SYNE2: variants seen among roughly 807,000 people sequenced by gnomAD.
The protein encoded by SYNE2 is spectrin repeat containing nuclear envelope protein 2, also known as nesprin-2.
Under a neutral mutation model 856.3 loss-of-function variants are expected in SYNE2, and 431 were observed. That is an observed-to-expected ratio of 0.50 (90% CI 0.47 to 0.55). The LOEUF is 0.55. SYNE2 is among the 20% of genes least tolerant of loss of function. SYNE2 has a pLI of 0.00. For missense variants in SYNE2, 8,129 were observed against 8,023.2 expected (o/e 1.01, Z -0.50); for synonymous variants, 2,923 against 2,872.3 (o/e 1.02, Z -0.56).
intron 96 of SYNE2, among the ~76,000 whole-genome samples, chr14:64,183,200 G>A (rs1180742454): frequency 5.3e-4 from 80 of 150,730 alleles, no homozygotes; most frequent in African/African-American, 1.9e-3. Context: ...CTTCCCGGAC[G>A]TGGCAGCTGC....
At chr14:64,044,305 G>C (rs1230522801) in intron 45 of SYNE2, among the ~76,000 whole-genome samples, 2 of 152,228 alleles carry the variant, frequency 1.3e-5, no homozygotes, top group East Asian at 3.9e-4. Context: ...TAACCCCTTT[G>C]TTTTGGCCAA....
intron 100 of SYNE2, among the ~76,000 whole-genome samples, chr14:64,204,107 G>A (rs80271480): frequency 0.011 from 1,731 of 152,316 alleles, 41 homozygotes; most frequent in African/African-American, 0.039. Context: ...ATTTAGTAAT[G>A]CTACAAATTA....
intron 54 of SYNE2, among the ~76,000 whole-genome samples, chr14:64,077,353 G>T (rs916333452): frequency 4.0e-5 from 6 of 148,508 alleles, no homozygotes; most frequent in African/African-American, 1.5e-4. Flanking sequence ...GACACAGCCA[G>T]CCATGAAAAG....
At chr14:64,196,495 C>T (rs1407551901) in intron 99 of SYNE2, among the ~76,000 whole-genome samples, 5 of 152,070 alleles carry the variant, frequency 3.3e-5, no homozygotes, top group African/African-American at 1.2e-4. Flanking sequence ...ACTAAATGAC[C>T]CTCCTAAACC....
intron 63 of SYNE2, chr14:64,099,298 G>A (rs562247099): frequency 2.1e-4 from 36 of 170,042 alleles, no homozygotes; most frequent in East Asian, 3.4e-4. Context: ...CTTTTCTGAC[G>A]TCAGTTTCCA....
At chr14:64,136,289 CAAAAAAAAAAA>C (rs34694248) in intron 78 of SYNE2, among the ~76,000 whole-genome samples, 2 of 62,058 alleles carry the variant, frequency 3.2e-5, no homozygotes, top group Non-Finnish European at 7.0e-5. Flanking sequence ...GACTTCATCT[CAAAAAAAAAAA>C]AAAAAAAAAA....
At chr14:63,934,509 ACCCCT>A (rs2095805315) in intron 2 of SYNE2, among the ~76,000 whole-genome samples, 1 of 147,568 alleles carries the variant, frequency 6.8e-6, no homozygotes, top group Non-Finnish European at 1.5e-5. Context: ...TTAGTATAAG[ACCCCT>A]TTTATCTAGT....
chr14:63,899,570 T>C (rs895851371), intron 1 of SYNE2, among the ~76,000 whole-genome samples: 4 of 151,914 alleles, frequency 2.6e-5, no homozygotes, highest in Admixed American at 2.6e-4. Context: ...GGCGCAATCA[T>C]GGCTTATTGC....
At chr14:64,209,852 C>T (rs2098630616) in intron 102 of SYNE2, 90 bp from the exon 103 acceptor site, 1 of 1,562,096 alleles carries the variant, frequency 6.4e-7, no homozygotes, top group Non-Finnish European at 8.8e-7. Context: ...GGGATGAACC[C>T]CTGGCAGCAG....
chr14:64,225,592 C>T lies in SYNE2; in HGVS notation c.*66C>T, dbSNP rs765285546. 5 of 1,538,062 alleles carry T rather than the reference C, an allele frequency of 3.3e-6. No homozygotes were observed. The East Asian group carries it at 9.2e-5, about 28-fold the overall frequency. On this transcript the variant is annotated 3_prime_UTR_variant, in exon 116 of 116. Coordinates refer to ENST00000555002, the MANE Select transcript of SYNE2 (RefSeq NM_182914.3). The stretch of plus-strand genomic sequence containing the variant: ...GCCAAGGGTGCCCAGCACGTGGCCC[C>T]AGACCAATCTGAGTGACTTAGTGTT...
intron 6 of SYNE2, among the ~76,000 whole-genome samples, chr14:63,947,508 A>C (rs1157424791): frequency 2.0e-5 from 3 of 152,210 alleles, no homozygotes; most frequent in Admixed American, 2.0e-4. Flanking sequence ...TACTTTTTTC[A>C]TATGGCTATC....
chr14:63,948,402 G>A (rs929581480), intron 6 of SYNE2, among the ~76,000 whole-genome samples: 6 of 151,946 alleles, frequency 3.9e-5, no homozygotes, highest in Non-Finnish European at 7.4e-5. Flanking sequence ...GGTGGCTCAC[G>A]CCTGTAATCC....
chr14:64,190,319 T>A, intron 99 of SYNE2, 82 bp downstream of exon 99: 1 of 1,565,818 alleles, frequency 6.4e-7, no homozygotes, highest in Non-Finnish European at 8.8e-7. Flanking sequence ...AGTCTTCCTC[T>A]AAGATGATCC....
chr14:63,973,028 G>A (rs1374832730), intron 11 of SYNE2, among the ~76,000 whole-genome samples: 1 of 152,106 alleles, frequency 6.6e-6, no homozygotes, highest in Non-Finnish European at 1.5e-5. Flanking sequence ...GCTGAGGCAG[G>A]CAGATCAGTT....
chr14:63,891,056 AT>A (rs1396757004), intron 1 of SYNE2, among the ~76,000 whole-genome samples: 2 of 152,136 alleles, frequency 1.3e-5, no homozygotes, highest in African/African-American at 4.8e-5. Context: ...TTTGGTTTAT[AT>A]TTTTATAATA....
rs1035913306 is a variant in SYNE2, at chr14:64,076,119, C to A, written c.11022+19C>A. The A allele has an allele frequency of 6.2e-6, 10 of 1,610,792 alleles. No individual in the cohort carries two copies. Among genetic ancestry groups the A allele is most frequent in the Non-Finnish European group, 8.5e-6 (10 of 1,178,032 alleles). On this transcript the variant is annotated intron_variant, in intron 54 of 115. Transcript: ENST00000555002. ...TGAGAAGGTAATAATAATGTCTGTACTACTGTTATTATTTACGGAGCTGAA... is the reference window on the plus strand; with the variant it reads ...TGAGAAGGTAATAATAATGTCTGTAATACTGTTATTATTTACGGAGCTGAA...
At chr14:64,148,335 T>C (rs1258249508) in intron 84 of SYNE2, among the ~76,000 whole-genome samples, 1 of 152,108 alleles carries the variant, frequency 6.6e-6, no homozygotes, top group East Asian at 1.9e-4. Flanking sequence ...AATAATCCAT[T>C]AATTTTACCA....
chr14:64,142,386 G>A (rs1241433757), intron 82 of SYNE2, among the ~76,000 whole-genome samples: 1 of 152,122 alleles, frequency 6.6e-6, no homozygotes, highest in Admixed American at 6.5e-5. Context: ...GCCTGACAGA[G>A]TGATTTTGAT....
intron 49 of SYNE2, 39 bp from the exon 50 acceptor site, chr14:64,062,712 A>C (rs745400240): frequency 6.4e-7 from 1 of 1,564,374 alleles, no homozygotes; most frequent in Non-Finnish European, 8.8e-7. Context: ...GTGTTAAATA[A>C]AATTTAATAC....
Sources: allele counts gnomAD v4.1 joint callset (sites outside exome capture counted in the v4.1 genomes callset), GRCh38; gene constraint gnomAD v4.1.1; transcripts MANE v1.5; gene names NCBI Gene and HGNC (gene_info 2026-07-23, HGNC 2026-07-21).